CYP7B1: variants seen among roughly 807,000 people sequenced by gnomAD.
The protein encoded by CYP7B1 is cytochrome P450 7B1.
CYP7B1 carries 29 observed loss-of-function variants against 42.7 expected under a neutral mutation model. The ratio of observed to expected loss-of-function variants is 0.68; its 90% CI spans 0.51 to 0.93. The LOEUF is 0.93. Among genes scored for constraint, CYP7B1 ranks in the 40% least tolerant of loss-of-function variants. The pLI, the probability that CYP7B1 is intolerant of heterozygous loss-of-function variation, is 0.00. For synonymous variants in CYP7B1, 235 were observed against 218.2 expected (o/e 1.08, Z -0.68); for missense variants, 655 against 600.5 (o/e 1.09, Z -0.95).
intron 1 of CYP7B1, among the ~76,000 whole-genome samples, chr8:64,787,240 G>GT (rs397830351): frequency 2.4e-5 from 2 of 83,894 alleles, no homozygotes; most frequent in African/African-American, 1.7e-4. Flanking sequence ...TCTCTAAAAT[G>GT]TTTTTTCTTT....
chr8:64,755,665 G>A (rs1484064087), intron 1 of CYP7B1, among the ~76,000 whole-genome samples: 1 of 151,914 alleles, frequency 6.6e-6, no homozygotes, highest in Non-Finnish European at 1.5e-5. Flanking sequence ...GTACAAAGCT[G>A]GATAGTAAAT....
At chr8:64,749,196 T>C (rs749946411) in intron 1 of CYP7B1, among the ~76,000 whole-genome samples, 1 of 152,130 alleles carries the variant, frequency 6.6e-6, no homozygotes, top group Non-Finnish European at 1.5e-5. Context: ...TTCTCCTGCC[T>C]CAGCCTCCTG....
At chr8:64,762,223 T>C (rs570617418) in intron 1 of CYP7B1, among the ~76,000 whole-genome samples, 8 of 152,322 alleles carry the variant, frequency 5.3e-5, no homozygotes, top group Non-Finnish European at 7.4e-5. Flanking sequence ...TGATTATTTG[T>C]AAAGCTACAT....
chr8:64,648,462 C>T (rs1805987876), intron 1 of CYP7B1, among the ~76,000 whole-genome samples: 1 of 152,192 alleles, frequency 6.6e-6, no homozygotes, highest in African/African-American at 2.4e-5. Context: ...ATGCAGTTTC[C>T]ACAATGGTTC....
intron 1 of CYP7B1, among the ~76,000 whole-genome samples, chr8:64,768,481 T>C (rs552000352): frequency 6.6e-6 from 1 of 152,316 alleles, no homozygotes; most frequent in South Asian, 2.1e-4. Context: ...TTTCCTGTAA[T>C]AATGTTCTGA....
chr8:64,747,235 T>C (rs1269912322), intron 1 of CYP7B1, among the ~76,000 whole-genome samples: 2 of 148,116 alleles, frequency 1.4e-5, no homozygotes, highest in Non-Finnish European at 3.0e-5. Context: ...TATATAAACA[T>C]AATAATATAG....
At chr8:64,759,794 T>C (rs566137460) in intron 1 of CYP7B1, among the ~76,000 whole-genome samples, 1 of 152,192 alleles carries the variant, frequency 6.6e-6, no homozygotes, top group African/African-American at 2.4e-5. Flanking sequence ...GTCCAGAGAT[T>C]TGAATCCAGC....
At chr8:64,612,722 T>C (rs777772783) in intron 4 of CYP7B1, among the ~76,000 whole-genome samples, 12 of 152,162 alleles carry the variant, frequency 7.9e-5, no homozygotes, top group Non-Finnish European at 1.2e-4. Context: ...CATTTTATCA[T>C]TGTAATCTTT....
intron 1 of CYP7B1, among the ~76,000 whole-genome samples, chr8:64,775,743 A>G (rs1399585274): frequency 6.6e-6 from 1 of 152,152 alleles, no homozygotes. Flanking sequence ...AAAATTCCAC[A>G]GAGGTAGAGC....
chr8:64,628,697 T>C (rs945547495), intron 1 of CYP7B1, among the ~76,000 whole-genome samples: 3 of 151,836 alleles, frequency 2.0e-5, no homozygotes, highest in Non-Finnish European at 4.4e-5. Context: ...ATGAAATAAA[T>C]AAAATGAAAT....
chr8:64,696,533 T>C (rs1046900011), intron 1 of CYP7B1, among the ~76,000 whole-genome samples: 35 of 152,186 alleles, frequency 2.3e-4, no homozygotes, highest in African/African-American at 8.4e-4. Flanking sequence ...GACTTGTTCA[T>C]GGTCACTAAA....
chr8:64,704,604 C>T (rs1350957396), intron 1 of CYP7B1, among the ~76,000 whole-genome samples: 1 of 151,974 alleles, frequency 6.6e-6, no homozygotes, highest in Non-Finnish European at 1.5e-5. Flanking sequence ...TTCTTATAGT[C>T]TCTGAAAGCC....
At chr8:64,642,312 G>A (rs1049750607) in intron 1 of CYP7B1, among the ~76,000 whole-genome samples, 2 of 149,644 alleles carry the variant, frequency 1.3e-5, no homozygotes, top group Admixed American at 6.6e-5. Context: ...CTAGTAATGT[G>A]TCACAATCTA....
intron 1 of CYP7B1, among the ~76,000 whole-genome samples, chr8:64,742,749 G>A (rs1007288648): frequency 4.6e-5 from 7 of 152,164 alleles, no homozygotes; most frequent in Middle Eastern, 3.4e-3. Context: ...TTGTGCTTCC[G>A]TGTGTACCTC....
At chr8:64,724,903 C>T (rs925840847) in intron 1 of CYP7B1, among the ~76,000 whole-genome samples, 3 of 152,224 alleles carry the variant, frequency 2.0e-5, no homozygotes, top group South Asian at 2.1e-4. Flanking sequence ...AAATATTACT[C>T]TAACCTTCCC....
At chr8:64,638,870 T>C (rs949772245) in intron 1 of CYP7B1, among the ~76,000 whole-genome samples, 2 of 151,968 alleles carry the variant, frequency 1.3e-5, no homozygotes, top group African/African-American at 4.8e-5. Context: ...AACATGTATA[T>C]GTATTTTAAA....
chr8:64,683,807 T>G (rs967327130), intron 1 of CYP7B1, among the ~76,000 whole-genome samples: 2 of 152,166 alleles, frequency 1.3e-5, no homozygotes, highest in Non-Finnish European at 2.9e-5. Context: ...AAATACTTTT[T>G]TTTTTCCCTG....
chr8:64,749,329 C>T (rs780914413), intron 1 of CYP7B1, among the ~76,000 whole-genome samples: 1 of 152,132 alleles, frequency 6.6e-6, no homozygotes. Context: ...GATCCACTCG[C>T]CTCGGCTTTC....
At chr8:64,705,510 TCCATG>T (rs1409534764) in intron 1 of CYP7B1, among the ~76,000 whole-genome samples, 1 of 150,912 alleles carries the variant, frequency 6.6e-6, no homozygotes, top group African/African-American at 2.4e-5. Context: ...TGTTGCAAAG[TCCATG>T]CCAAAAAAAA....
Sources: gnomAD v4.1 joint callset for allele counts (sites outside exome capture counted in the v4.1 genomes callset) on GRCh38, gnomAD v4.1.1 for gene constraint, MANE v1.5 for transcripts, NCBI Gene and HGNC (gene_info 2026-07-23, HGNC 2026-07-21) for gene names.